DCC: variants seen among roughly 807,000 people sequenced by gnomAD.
DCC encodes the protein netrin receptor DCC.
In DCC, 58 loss-of-function variants were observed where a neutral mutation model predicts 172.5. The observed-to-expected ratio is 0.34, with a 90% CI of 0.27 to 0.42. DCC has a LOEUF of 0.42. DCC is among the 10% of genes least tolerant of loss of function. The pLI, the probability that DCC is intolerant of heterozygous loss-of-function variation, is 1.00. For synonymous variants in DCC, 709 were observed against 644.5 expected (o/e 1.10, Z -1.52); for missense variants, 1,740 against 1,791.0 (o/e 0.97, Z 0.51).
intron 15 of DCC, among the ~76,000 whole-genome samples, chr18:53,377,454 A>G (rs2144972459): frequency 6.6e-6 from 1 of 152,074 alleles, no homozygotes; most frequent in Non-Finnish European, 1.5e-5. Flanking sequence ...CCACTCATAC[A>G]ATAGCAGCAT....
intron 1 of DCC, among the ~76,000 whole-genome samples, chr18:52,479,253 T>G (rs1403538638): frequency 6.6e-6 from 1 of 152,212 alleles, no homozygotes; most frequent in African/African-American, 2.4e-5. Context: ...AGAGGATGGA[T>G]TTAATCTATC....
chr18:52,994,514 C>T (rs902581878), intron 5 of DCC, among the ~76,000 whole-genome samples: 1 of 152,134 alleles, frequency 6.6e-6, no homozygotes, highest in African/African-American at 2.4e-5. Flanking sequence ...ACGTACGATT[C>T]TCATACTTCA....
At chr18:52,403,586 A>G (rs1267594154) in intron 1 of DCC, among the ~76,000 whole-genome samples, 1 of 152,020 alleles carries the variant, frequency 6.6e-6, no homozygotes, top group Non-Finnish European at 1.5e-5. Flanking sequence ...TTTCCCCACC[A>G]CATTCTTTAT....
chr18:52,703,936 C>G (rs1339756499), intron 1 of DCC, among the ~76,000 whole-genome samples: 1 of 152,044 alleles, frequency 6.6e-6, no homozygotes, highest in Non-Finnish European at 1.5e-5. Flanking sequence ...GATTTTGTCT[C>G]CATTTCCCAC....
chr18:52,859,139 A>T (rs974896960), intron 2 of DCC, among the ~76,000 whole-genome samples: 2 of 152,154 alleles, frequency 1.3e-5, no homozygotes, highest in Non-Finnish European at 2.9e-5. Context: ...TCTGCAAAAA[A>T]AAAATTAAAA....
chr18:52,953,033 T>C (rs1390539719), intron 5 of DCC, among the ~76,000 whole-genome samples: 2 of 123,926 alleles, frequency 1.6e-5, no homozygotes, highest in Admixed American at 8.4e-5. Flanking sequence ...AAAAAACTCA[T>C]AACATTGCCT....
At chr18:53,408,698 A>AACATAC (rs1456517769) in intron 19 of DCC, among the ~76,000 whole-genome samples, 1 of 152,206 alleles carries the variant, frequency 6.6e-6, no homozygotes, top group Non-Finnish European at 1.5e-5. Flanking sequence ...GTATTAAATC[A>AACATAC]ACATATCCTG....
intron 3 of DCC, among the ~76,000 whole-genome samples, chr18:52,915,106 G>A (rs138477786): frequency 2.6e-5 from 4 of 152,048 alleles, no homozygotes; most frequent in African/African-American, 9.7e-5. Flanking sequence ...TCTTGCCAAC[G>A]CAGATGTCAA....
intron 23 of DCC, among the ~76,000 whole-genome samples, chr18:53,451,209 T>C (rs903770525): frequency 6.6e-6 from 1 of 152,236 alleles, no homozygotes; most frequent in South Asian, 2.1e-4. Context: ...AAATGGTTTA[T>C]TTTCTGTGGT....
intron 12 of DCC, among the ~76,000 whole-genome samples, chr18:53,279,605 AC>A (rs2056844517): frequency 6.6e-6 from 1 of 151,082 alleles, no homozygotes. Flanking sequence ...TATGTAATTA[AC>A]CTGCACATTG....
rs2030535477 is a variant in DCC at position 52,492,184 on chromosome 18, T to C, written c.91+151306T>C. Among the ~76,000 whole-genome samples, 2 of 151,938 alleles carry C rather than the reference T, an allele frequency of 1.3e-5. 1 individual carries two copies. Among genetic ancestry groups the C allele is most frequent in the South Asian group, 4.1e-4 (2 of 4,822 alleles). On this transcript the variant is annotated intron_variant, in intron 1 of 28. Coordinates refer to ENST00000442544, the MANE Select transcript of DCC (RefSeq NM_005215.4). ...ATTCATTAGATTTAGCAACACAACATCTTGATTGCCTTGATAAGAAACTTG... is the reference window on the plus strand; with the variant it reads ...ATTCATTAGATTTAGCAACACAACACCTTGATTGCCTTGATAAGAAACTTG...
At chr18:53,351,382 C>CTG (rs2057801500) in intron 15 of DCC, among the ~76,000 whole-genome samples, 1 of 27,562 alleles carries the variant, frequency 3.6e-5, no homozygotes, top group Non-Finnish European at 6.9e-5. Context: ...TATATATATA[C>CTG]AGTATATATA....
intron 12 of DCC, among the ~76,000 whole-genome samples, chr18:53,267,080 C>T (rs1346647220): frequency 6.7e-6 from 1 of 150,314 alleles, no homozygotes; most frequent in Admixed American, 6.7e-5. Context: ...TATGTTTAAC[C>T]TTTATATACA....
intron 25 of DCC, among the ~76,000 whole-genome samples, chr18:53,476,473 G>T (rs2045764270): frequency 6.6e-6 from 1 of 152,134 alleles, no homozygotes; most frequent in African/African-American, 2.4e-5. Context: ...AAGATCTGAT[G>T]ATTTTAAAAA....
At chr18:52,824,623 T>C (rs550842047) in intron 2 of DCC, among the ~76,000 whole-genome samples, 1 of 152,256 alleles carries the variant, frequency 6.6e-6, no homozygotes, top group Admixed American at 6.5e-5. Context: ...TGAACTGCTA[T>C]AGTTTTAAAG....
chr18:52,468,261 G>A (rs1399165640), intron 1 of DCC, among the ~76,000 whole-genome samples: 1 of 152,100 alleles, frequency 6.6e-6, no homozygotes, highest in Non-Finnish European at 1.5e-5. Context: ...TTTACCACAT[G>A]GACTTAGAAT....
chr18:52,463,211 C>A (rs1301182437), intron 1 of DCC, among the ~76,000 whole-genome samples: 1 of 151,962 alleles, frequency 6.6e-6, no homozygotes. Context: ...CTCGTGTGAT[C>A]CTTTCTTATT....
At chr18:52,931,871 C>A (rs952684802) in intron 5 of DCC, 1 of 152,046 alleles carries the variant, frequency 6.6e-6, no homozygotes. Flanking sequence ...ACATCTGAAA[C>A]CTGGCTTCAG....
At chr18:53,023,773 G>A (rs750390321) in intron 5 of DCC, among the ~76,000 whole-genome samples, 6 of 152,010 alleles carry the variant, frequency 3.9e-5, no homozygotes, top group East Asian at 3.9e-4. Flanking sequence ...GAAATTGAAC[G>A]CAGTGCCTCA....
Sources: allele counts gnomAD v4.1 joint callset (sites outside exome capture counted in the v4.1 genomes callset), GRCh38; gene constraint gnomAD v4.1.1; transcripts MANE v1.5; gene names NCBI Gene and HGNC (gene_info 2026-07-23, HGNC 2026-07-21).